KIF13A: variants seen among roughly 807,000 people sequenced by gnomAD.
KIF13A encodes kinesin family member 13A.
KIF13A carries 79 observed loss-of-function variants against 212.2 expected under a neutral mutation model. The ratio of observed to expected loss-of-function variants is 0.37; its 90% CI spans 0.31 to 0.45. The LOEUF (loss-of-function observed/expected upper bound fraction) is 0.45. Among genes scored for constraint, KIF13A ranks in the 20% least tolerant of loss-of-function variants. The pLI, the probability that KIF13A is intolerant of heterozygous loss-of-function variation, is 1.00. For missense variants in KIF13A, 1,901 were observed against 2,209.0 expected (o/e 0.86, Z 2.79); for synonymous variants, 789 against 808.6 (o/e 0.98, Z 0.41).
chr6:17,783,471 T>C lies in KIF13A; in HGVS notation c.3544+175A>G, dbSNP rs1333332312. Among the ~76,000 whole-genome samples, 2 of 136,608 alleles carry C rather than the reference T, an allele frequency of 1.5e-5. No homozygotes were observed. Among genetic ancestry groups the C allele is most frequent in the Admixed American group, 1.4e-4 (2 of 14,090 alleles). The allele number at this position is 136,608 out of a possible 152,430, so 89.6% of individuals were successfully genotyped here. A position where few individuals can be genotyped will look rare whatever the true frequency, so the allele number is the denominator to read the frequency against. On this transcript the variant is annotated intron_variant, in intron 29 of 38. Coordinates refer to ENST00000259711, the MANE Select transcript of KIF13A (RefSeq NM_022113.6). The surrounding 1 kb of genome is among the most constrained non-coding windows in gnomAD (Gnocchi z 4.3). ...AGTTCTCAATCACCCTATGTGCTCTTTTTTTGATTATCCACATATCATGCT... is the reference window on the plus strand; with the variant it reads ...AGTTCTCAATCACCCTATGTGCTCTCTTTTTGATTATCCACATATCATGCT...
At chr6:17,909,716 G>A (rs1226903250) in intron 2 of KIF13A, among the ~76,000 whole-genome samples, 1 of 148,344 alleles carries the variant, frequency 6.7e-6, no homozygotes, top group Non-Finnish European at 1.5e-5. Flanking sequence ...CCAACATGGT[G>A]AACCCCATCT....
At chr6:17,824,779 AAC>A (rs1491413945) in intron 16 of KIF13A, among the ~76,000 whole-genome samples, 14,999 of 112,316 alleles carry the variant, frequency 0.13, 950 homozygotes, top group Admixed American at 0.19. Flanking sequence ...AAAAAAAAAA[AAC>A]AAAACACCAA....
chr6:17,867,631 A>G (rs962954339), intron 4 of KIF13A, among the ~76,000 whole-genome samples: 8 of 152,246 alleles, frequency 5.3e-5, no homozygotes, highest in African/African-American at 1.9e-4. Flanking sequence ...TTTGAGCACA[A>G]GAAGTGTGAC....
rs113168888 is a variant in KIF13A at position 17,933,178 on chromosome 6, G to A, written c.147-34998C>T. Among the ~76,000 whole-genome samples the A allele has an allele frequency of 2.2e-4, 33 of 152,064 alleles. 1 individual carries two copies. The highest frequency in any genetic ancestry group is 8.0e-4 in the African/African-American group (33 of 41,414). The stretch of plus-strand genomic sequence containing the variant: ...TGAATTTAAGAGTTGTCAAGTGATG[G>A]GAACAAAGGAAACCCAAGAAAGTGC... On this transcript the variant is annotated intron_variant, in intron 2 of 38. Transcript: ENST00000259711.
At chr6:17,977,550 G>T (rs900886357) in intron 2 of KIF13A, among the ~76,000 whole-genome samples, 1 of 152,134 alleles carries the variant, frequency 6.6e-6, no homozygotes, top group Admixed American at 6.5e-5. Flanking sequence ...TTATAAATGT[G>T]AAAACTATGA....
chr6:17,769,433 C>G lies in KIF13A; in HGVS notation c.4581+1681G>C, dbSNP rs1759300759. Among the ~76,000 whole-genome samples, 1 of 152,150 alleles carries G rather than the reference C, an allele frequency of 6.6e-6. No individual in the cohort carries two copies. Among genetic ancestry groups the G allele is most frequent in the African/African-American group, 2.4e-5 (1 of 41,450 alleles). On this transcript the variant is annotated intron_variant, in intron 38 of 38. Transcript: ENST00000259711. This position sits in a 1 kb window ranked among gnomAD's most constrained non-coding sequence, Gnocchi z 5.8. ...TTCTTACTGTACTCCATGGTGCATT[C>G]AGTCACAGAGTCTAACTGCTGCTTG... is the stretch of plus-strand genomic sequence containing the variant.
At chr6:17,765,067 T>C (rs967086440) in intron 38 of KIF13A, 121 bp from the exon 39 acceptor site, 1 of 778,410 alleles carries the variant, frequency 1.3e-6, no homozygotes, top group Non-Finnish European at 2.0e-6. Flanking sequence ...TGTTTTCTTT[T>C]TGTCTTTCCA....
chr6:17,882,203 A>G, intron 3 of KIF13A: 2 of 394,158 alleles, frequency 5.1e-6, no homozygotes, highest in Non-Finnish European at 1.0e-5. Context: ...CAAAATGGTC[A>G]ATCTGGAAAG....
intron 4 of KIF13A, among the ~76,000 whole-genome samples, chr6:17,867,043 C>T (rs775339402): frequency 2.6e-5 from 4 of 151,936 alleles, no homozygotes; most frequent in African/African-American, 4.8e-5. Context: ...CCCCTGCATG[C>T]TAAATCACCC....
chr6:17,903,828 G>A (rs1268476692), intron 2 of KIF13A, among the ~76,000 whole-genome samples: 1 of 152,086 alleles, frequency 6.6e-6, no homozygotes, highest in Non-Finnish European at 1.5e-5. Context: ...TAAATGGGGG[G>A]AGCGGGGGAA....
chr6:17,765,182 C>A (rs1270809756), intron 38 of KIF13A, among the ~76,000 whole-genome samples: 1 of 152,156 alleles, frequency 6.6e-6, no homozygotes, highest in Non-Finnish European at 1.5e-5. Flanking sequence ...GGATTTAGTT[C>A]TTTTAGGCTC....
intron 2 of KIF13A, among the ~76,000 whole-genome samples, chr6:17,946,920 C>T (rs1033951784): frequency 2.0e-5 from 3 of 152,220 alleles, no homozygotes; most frequent in South Asian, 4.1e-4. Context: ...ACAAAGTTGA[C>T]TGTGCAGGCG....
chr6:17,805,977 T>A (rs1042506139), intron 18 of KIF13A, among the ~76,000 whole-genome samples: 2 of 150,116 alleles, frequency 1.3e-5, no homozygotes, highest in African/African-American at 4.9e-5. Context: ...TGCAGTGAAG[T>A]GGTATGATCT....
At chr6:17,820,123 T>C (rs1033424636) in intron 16 of KIF13A, among the ~76,000 whole-genome samples, 3 of 152,144 alleles carry the variant, frequency 2.0e-5, no homozygotes, top group African/African-American at 4.8e-5. Flanking sequence ...CAAGGTTCCA[T>C]GCTGACACAG....
rs1760812252 is a variant in KIF13A, at chr6:17,783,798, T to C, written c.3489-97A>G. On this transcript the variant is annotated intron_variant, in intron 28 of 38. Transcript: ENST00000259711. This position sits in a 1 kb window ranked among gnomAD's most constrained non-coding sequence, Gnocchi z 4.3. ...AGAGCTGTGGAAGCAAAGAGAACCA[T>C]GGTGGAGATGCAGTTTCCACTAATG... is the stretch of plus-strand genomic sequence containing the variant. The C allele has an allele frequency of 5.1e-6, 4 of 784,222 alleles. No homozygotes were observed. The highest frequency in any genetic ancestry group is 6.6e-6 in the Non-Finnish European group (3 of 455,262). The allele number at this position is 784,222 out of a possible 1,614,324, so 48.6% of individuals were successfully genotyped here.
intron 2 of KIF13A, among the ~76,000 whole-genome samples, chr6:17,974,020 T>C (rs777393931): frequency 6.6e-6 from 1 of 152,164 alleles, no homozygotes; most frequent in Non-Finnish European, 1.5e-5. Flanking sequence ...TAAAAACAAA[T>C]AGCAAGATGC....
At chr6:17,977,553 AACTATG>A (rs748228782) in intron 2 of KIF13A, among the ~76,000 whole-genome samples, 10 of 152,262 alleles carry the variant, frequency 6.6e-5, no homozygotes, top group Non-Finnish European at 1.0e-4. Flanking sequence ...TAAATGTGAA[AACTATG>A]ACTATGACTA....
chr6:17,974,879 T>C (rs879856549), intron 2 of KIF13A, among the ~76,000 whole-genome samples: 5 of 152,208 alleles, frequency 3.3e-5, no homozygotes, highest in African/African-American at 4.8e-5. Context: ...CATAACCACA[T>C]GTCAAGTATT....
At position 17,769,477 on chromosome 6, in the gene KIF13A, G is replaced by T. The variant is rs1388796498; in HGVS notation, c.4581+1637C>A. Among the ~76,000 whole-genome samples, 5 of 152,242 alleles carry T rather than the reference G, an allele frequency of 3.3e-5. No individual in the cohort carries two copies. The highest frequency in any genetic ancestry group is 3.4e-3 in the Middle Eastern group (1 of 294). ...CTGCTTGAGACTTCCTGGGTCAAGAGAATCTGGTTCCATCCTTCTCTCTGC... is the reference window on the plus strand; with the variant it reads ...CTGCTTGAGACTTCCTGGGTCAAGATAATCTGGTTCCATCCTTCTCTCTGC... On this transcript the variant is annotated intron_variant, in intron 38 of 38. Coordinates refer to ENST00000259711, the MANE Select transcript of KIF13A (RefSeq NM_022113.6). This position sits in a 1 kb window ranked among gnomAD's most constrained non-coding sequence, Gnocchi z 5.8.
Sources: allele counts gnomAD v4.1 joint callset (sites outside exome capture counted in the v4.1 genomes callset), GRCh38; gene constraint gnomAD v4.1.1; non-coding constraint Gnocchi (gnomAD v3.1); transcripts MANE v1.5; gene names NCBI Gene and HGNC (gene_info 2026-07-23, HGNC 2026-07-21).